Variants in ENTREP2 observed in about 807,000 individuals in gnomAD.
ENTREP2 encodes endosomal transmembrane epsin interactor 2.
chr15:29,124,623 C>T, the ENTREP2 span: 1 of 1,398,432 alleles, frequency 7.2e-7, no homozygotes, highest in Non-Finnish European at 9.9e-7. Flanking sequence ...GCCAAGGACC[C>T]ACCAACACCC....
chr15:29,545,952 A>G, the ENTREP2 span, among the ~76,000 whole-genome samples: 1 of 152,234 alleles, frequency 6.6e-6, no homozygotes, highest in Non-Finnish European at 1.5e-5. Flanking sequence ...GACTTAAAGG[A>G]TATGTAATAA....
chr15:29,407,228 T>C, the ENTREP2 span, among the ~76,000 whole-genome samples: 6 of 152,320 alleles, frequency 3.9e-5, no homozygotes, highest in South Asian at 1.2e-3. Flanking sequence ...CTGAACACTG[T>C]AGGCAACTGT....
chr15:29,539,050 G>T, the ENTREP2 span, among the ~76,000 whole-genome samples: 1 of 152,160 alleles, frequency 6.6e-6, no homozygotes, highest in Admixed American at 6.5e-5. Context: ...ACTTCAGTCT[G>T]GATATGACAA....
the ENTREP2 span, among the ~76,000 whole-genome samples, chr15:29,306,891 G>A: frequency 2.0e-5 from 3 of 151,072 alleles, no homozygotes; most frequent in African/African-American, 4.9e-5. Context: ...GACTACAGGC[G>A]CATGCCACCA....
chr15:29,269,212 G>A, the ENTREP2 span: 1 of 1,613,996 alleles, frequency 6.2e-7, no homozygotes, highest in African/African-American at 1.3e-5. Flanking sequence ...CCTCATCTCG[G>A]CATCCTCCTC....
At chr15:29,645,883 A>G in the ENTREP2 span, among the ~76,000 whole-genome samples, 3 of 152,116 alleles carry the variant, frequency 2.0e-5, no homozygotes, top group Non-Finnish European at 4.4e-5. Flanking sequence ...TCTGAAAGAC[A>G]TAATACTTTT....
At chr15:29,136,206 G>C in the ENTREP2 span, among the ~76,000 whole-genome samples, 5 of 152,344 alleles carry the variant, frequency 3.3e-5, no homozygotes, top group East Asian at 9.7e-4. Context: ...CTTCAAGAGA[G>C]ATGAATGCAT....
At chr15:29,226,680 CCTGGCGACAT>C in the ENTREP2 span, among the ~76,000 whole-genome samples, 1 of 152,122 alleles carries the variant, frequency 6.6e-6, no homozygotes, top group Admixed American at 6.5e-5. Flanking sequence ...TTCCGAGGAC[CCTGGCGACAT>C]AATTGGTGTT....
the ENTREP2 span, among the ~76,000 whole-genome samples, chr15:29,364,446 T>C: frequency 5.9e-5 from 9 of 152,188 alleles, no homozygotes; most frequent in Non-Finnish European, 1.2e-4. Flanking sequence ...GCCCAGCATA[T>C]AGCAGTTTCC....
At chr15:29,310,233 C>T in the ENTREP2 span, among the ~76,000 whole-genome samples, 222 of 152,306 alleles carry the variant, frequency 1.5e-3, 1 homozygote, top group Middle Eastern at 6.8e-3. Flanking sequence ...GCTGAGAATT[C>T]GCACTAATAC....
At chr15:29,337,873 C>A in the ENTREP2 span, among the ~76,000 whole-genome samples, 1 of 152,140 alleles carries the variant, frequency 6.6e-6, no homozygotes, top group Admixed American at 6.5e-5. Context: ...GGATTCCCAT[C>A]CAGGCATCCC....
the ENTREP2 span, among the ~76,000 whole-genome samples, chr15:29,402,776 C>G: frequency 2.0e-5 from 3 of 152,180 alleles, no homozygotes; most frequent in African/African-American, 7.2e-5. Context: ...ATGGTTATCT[C>G]CAGACAGTGA....
chr15:29,285,140 C>T, the ENTREP2 span, among the ~76,000 whole-genome samples: 5 of 152,310 alleles, frequency 3.3e-5, no homozygotes, highest in African/African-American at 1.2e-4. Context: ...TTCAAATCCA[C>T]TGCTCCCTGA....
At chr15:29,152,507 C>T in the ENTREP2 span, among the ~76,000 whole-genome samples, 2 of 152,214 alleles carry the variant, frequency 1.3e-5, no homozygotes, top group Non-Finnish European at 2.9e-5. Context: ...AAGAATGTTG[C>T]ATAAGTGGAT....
At chr15:29,274,156 T>A in the ENTREP2 span, among the ~76,000 whole-genome samples, 1 of 152,178 alleles carries the variant, frequency 6.6e-6, no homozygotes, top group African/African-American at 2.4e-5. Flanking sequence ...TTGGAACACA[T>A]CCTCCACAGA....
chr15:29,219,016 C>G, the ENTREP2 span, among the ~76,000 whole-genome samples: 2 of 152,070 alleles, frequency 1.3e-5, no homozygotes, highest in African/African-American at 2.4e-5. Flanking sequence ...TCAGAGTAAA[C>G]AGACAACCCA....
the ENTREP2 span, among the ~76,000 whole-genome samples, chr15:29,344,971 C>T: frequency 1.0e-4 from 15 of 148,396 alleles, no homozygotes; most frequent in Admixed American, 3.4e-4. Flanking sequence ...CACACACACA[C>T]GTCTGTGTTT....
chr15:29,665,184 C>T, the ENTREP2 span, among the ~76,000 whole-genome samples: 4 of 152,356 alleles, frequency 2.6e-5, no homozygotes, highest in South Asian at 8.3e-4. Flanking sequence ...CTTTCCTGCA[C>T]CTTCCTCTCT....
At chr15:29,266,072 A>T in the ENTREP2 span, 1 of 152,250 alleles carries the variant, frequency 6.6e-6, no homozygotes, top group Non-Finnish European at 1.5e-5. Flanking sequence ...CACTAGATAG[A>T]TAGAGCAGAC....
Sources: allele counts gnomAD v4.1 joint callset (sites outside exome capture counted in the v4.1 genomes callset), GRCh38; gene constraint gnomAD v4.1.1; transcripts MANE v1.5; gene names NCBI Gene and HGNC (gene_info 2026-07-23, HGNC 2026-07-21).